C4orf50: variants seen among roughly 807,000 people sequenced by gnomAD.
C4orf50 encodes the protein uncharacterized protein C4orf50.
In C4orf50, 80 loss-of-function variants were observed where a neutral mutation model predicts 77.2. The ratio of observed to expected loss-of-function variants is 1.04; its 90% CI spans 0.87 to 1.25. The LOEUF is 1.25. C4orf50 is among the 50% of genes most tolerant of loss of function. The pLI, the probability that C4orf50 is intolerant of heterozygous loss-of-function variation, is 0.00. For missense variants in C4orf50, 1,257 were observed against 1,152.9 expected, an observed-to-expected ratio of 1.09 and a Z score of -1.31; for synonymous variants, 532 against 465.3, an observed-to-expected ratio of 1.14 and a Z score of -1.84.
chr4:5,935,142 G>A (rs543868613), intron 7 of C4orf50, among the ~76,000 whole-genome samples: 3 of 152,336 alleles, frequency 2.0e-5, no homozygotes, highest in East Asian at 1.9e-4. Flanking sequence ...TCTACAGGAG[G>A]AGCAGTTCTC....
At chr4:6,013,610 C>T (rs1215643081) in intron 23 of C4orf50, among the ~76,000 whole-genome samples, 1 of 152,208 alleles carries the variant, frequency 6.6e-6, no homozygotes, top group Non-Finnish European at 1.5e-5. Flanking sequence ...GATATGGATC[C>T]GGATTCACCT....
At chr4:5,955,085 C>T (rs968484814), downstream of C4orf50, among the ~76,000 whole-genome samples, 20 of 152,114 alleles carry the variant, frequency 1.3e-4, no homozygotes, top group Non-Finnish European at 2.6e-4. The surrounding 1 kb of genome is among the most constrained non-coding windows in gnomAD (Gnocchi z 5.1). Context: ...TCTGAGCGCC[C>T]GCCCCTACCT....
At chr4:5,913,183 T>C (rs78553989) in intron 7 of C4orf50, among the ~76,000 whole-genome samples, 2,038 of 152,360 alleles carry the variant, frequency 0.013, 46 homozygotes, top group African/African-American at 0.045. Context: ...TTTTCCCATC[T>C]GTAAAATGAG....
intron 7 of C4orf50, among the ~76,000 whole-genome samples, chr4:5,924,009 T>G (rs1577892796): frequency 6.6e-6 from 1 of 152,150 alleles, no homozygotes; most frequent in Admixed American, 6.5e-5. Flanking sequence ...TCCTGAACAT[T>G]AGGCTCCAAG....
chr4:5,985,272 A>G (rs1185173303), intron 28 of C4orf50, among the ~76,000 whole-genome samples: 1 of 152,222 alleles, frequency 6.6e-6, no homozygotes, highest in Non-Finnish European at 1.5e-5. Flanking sequence ...GCCACAGAAG[A>G]GTAAGAAAGA....
rs1214261720 is a variant in C4orf50 at position 5,990,309 on chromosome 4, G to A, written c.1737C>T (p.Tyr579=). ...TCTGATGGCTTTCCTGACTTAGCTG[G>A]TACTTGTCACCAAGGTTTTTCCCCT... The change falls in exon 28 of 34, where the codon TAC becomes TAT. Residue 579 remains tyrosine (Y), a synonymous_variant. Coordinates refer to ENST00000531445, the Ensembl canonical transcript of C4orf50. 1.5e-5 allele frequency: 16 copies of A among 1,050,364 alleles called. No homozygotes were observed. In the East Asian group the frequency reaches 3.9e-4, roughly 26 times the overall value. The allele number at this position is 1,050,364 out of a possible 1,614,324, so 65.1% of individuals were successfully genotyped here.
intron 25 of C4orf50, among the ~76,000 whole-genome samples, chr4:6,003,979 T>C (rs1722015479): frequency 1.3e-5 from 2 of 148,420 alleles, no homozygotes; most frequent in African/African-American, 5.0e-5. Flanking sequence ...ATGGCGATGA[T>C]AGTGATGATG....
chr4:5,947,461 G>A (rs1718532338), intron 7 of C4orf50, among the ~76,000 whole-genome samples: 1 of 152,186 alleles, frequency 6.6e-6, no homozygotes, highest in African/African-American at 2.4e-5. Flanking sequence ...GGGGCACCTT[G>A]GGGAAAAAGA....
Position 5,973,644 on chromosome 4 carries a change from TCTCTGGGACTCTAC to T in C4orf50, c.4104+1_4104+14del, listed in dbSNP as rs1395323381. The T allele has an allele frequency of 2.5e-6, 4 of 1,600,630 alleles. No homozygotes were observed. Among genetic ancestry groups the T allele is most frequent in the Non-Finnish European group, 3.4e-6 (4 of 1,170,796 alleles). On this transcript the variant is annotated splice_donor_variant and splice_donor_5th_base_variant and intron_variant, in intron 31 of 33. Transcript: ENST00000531445. LOFTEE classifies it high-confidence loss of function. ...CCCATAGGAAGCACAGACAGGGCCA[TCTCTGGGACTCTAC>T]CTCTGGGACTCCCGGAGCCAGGAAG...
In C4orf50 at chr4:5,905,490, C is replaced by T. The variant is rs893922546; in HGVS notation, c.*2475-7302G>A. On this transcript the variant is annotated intron_variant, in intron 7 of 7. Coordinates refer to the C4orf50 transcript ENST00000324058. This position sits in a 1 kb window ranked among gnomAD's most constrained non-coding sequence, Gnocchi z 5.4. Reference sequence around the variant, plus strand: ...CAGGGAAACAGGTTCTTAAAGGGAACATAGCAACCAGTGTGGCTTCTACAT... The same window carrying T: ...CAGGGAAACAGGTTCTTAAAGGGAATATAGCAACCAGTGTGGCTTCTACAT... The T allele has an allele frequency of 8.5e-5, 13 of 152,216 alleles. No homozygotes were observed. The highest frequency in any genetic ancestry group is 1.3e-4 in the Admixed American group (2 of 15,288). 9.4% of individuals were successfully genotyped at this position (152,216 alleles called of 1,614,324 possible). A position where few individuals can be genotyped will look rare whatever the true frequency, so the allele number is the denominator to read the frequency against.
At chr4:5,925,259 A>G (rs1186877760) in intron 7 of C4orf50, among the ~76,000 whole-genome samples, 2 of 149,848 alleles carry the variant, frequency 1.3e-5, no homozygotes, top group African/African-American at 4.9e-5. Context: ...CAACCCCTGA[A>G]GCAGCAAGGA....
At chr4:5,962,510 T>C (rs1466536413) in intron 33 of C4orf50, among the ~76,000 whole-genome samples, 2 of 152,242 alleles carry the variant, frequency 1.3e-5, no homozygotes, top group Non-Finnish European at 2.9e-5. Context: ...ATTAGAGGGT[T>C]TGTTCTCACA....
chr4:5,976,057 C>A, intron 29 of C4orf50, 102 bp from the exon 8 acceptor site: 1 of 873,650 alleles, frequency 1.1e-6, no homozygotes, highest in East Asian at 2.5e-5. Context: ...AGTTGCCTGC[C>A]CTCTTTACCC....
chr4:5,979,065 AGTT>A (rs1409097535), intron 29 of C4orf50, among the ~76,000 whole-genome samples: 5 of 152,348 alleles, frequency 3.3e-5, no homozygotes, highest in African/African-American at 1.2e-4. Context: ...CAGGATAACG[AGTT>A]ATGGGCAAAT....
At chr4:5,959,093 G>C (rs1010553999) in exon 34 of C4orf50, 25 of 331,712 alleles carry the variant, frequency 7.5e-5, no homozygotes, top group Non-Finnish European at 6.1e-5. Flanking sequence ...ACTGTGCCCA[G>C]TTGAGAACCT....
At chr4:5,912,229 G>C (rs1439042110) in intron 7 of C4orf50, among the ~76,000 whole-genome samples, 1 of 151,624 alleles carries the variant, frequency 6.6e-6, no homozygotes, top group Non-Finnish European at 1.5e-5. Flanking sequence ...CATGCAGGAA[G>C]AGCCAGCTCC....
In C4orf50 at chr4:6,011,540, G is replaced by A. The variant is rs1336603913; in HGVS notation, c.426+290C>T. Among the ~76,000 whole-genome samples the A allele has an allele frequency of 1.3e-5, 2 of 151,958 alleles. No individual in the cohort carries two copies. The highest frequency in any genetic ancestry group is 2.9e-5 in the Non-Finnish European group (2 of 67,992). ...TCTCCCCCATCTGCATAAGAGCTCC[G>A]GACCCCAGGAGCCCTGCATCAGCCA... On this transcript the variant is annotated intron_variant, in intron 24 of 33. Transcript: ENST00000531445. This position sits in a 1 kb window ranked among gnomAD's most constrained non-coding sequence, Gnocchi z 4.2.
At chr4:5,928,092 G>A (rs1345500830) in intron 7 of C4orf50, among the ~76,000 whole-genome samples, 1 of 152,120 alleles carries the variant, frequency 6.6e-6, no homozygotes, top group Non-Finnish European at 1.5e-5. Flanking sequence ...ATATATTAAG[G>A]AACATAATGT....
At chr4:5,943,033 T>C (rs1404582401) in intron 7 of C4orf50, among the ~76,000 whole-genome samples, 1 of 152,164 alleles carries the variant, frequency 6.6e-6, no homozygotes, top group Non-Finnish European at 1.5e-5. Flanking sequence ...TCTTTCTCTC[T>C]GCTGTGCCAG....
Sources: gnomAD v4.1 joint callset for allele counts (sites outside exome capture counted in the v4.1 genomes callset) on GRCh38, gnomAD v4.1.1 for gene constraint, Gnocchi (gnomAD v3.1) non-coding constraint, MANE v1.5 for transcripts, NCBI Gene and HGNC (gene_info 2026-07-23, HGNC 2026-07-21) for gene names.